The following STAG3 variants were observed in gnomAD, a reference collection of about 807,000 sequenced individuals.
STAG3 encodes cohesin subunit SA-3.
STAG3 carries 101 observed loss-of-function variants against 160.7 expected under a neutral mutation model. The ratio of observed to expected loss-of-function variants is 0.63; its 90% CI spans 0.54 to 0.74. The LOEUF (loss-of-function observed/expected upper bound fraction) is 0.74. Ranked by LOEUF, STAG3 falls within the 30% of genes least tolerant of loss-of-function variation. The pLI is 0.00. For synonymous variants in STAG3, 519 were observed against 585.0 expected, an observed-to-expected ratio of 0.89 and a Z score of 1.63; for missense variants, 1,188 against 1,517.4, an observed-to-expected ratio of 0.78 and a Z score of 3.61.
rs956546657 is a variant in STAG3, at chr7:100,199,204, A to G, written c.1468-58A>G. The G allele has an allele frequency of 2.5e-6, 3 of 1,182,716 alleles. No homozygotes were observed. The Admixed American group carries it at 5.1e-5, about 20-fold the overall frequency. 73.3% of individuals were successfully genotyped at this position (1,182,716 alleles called of 1,614,324 possible). On this transcript the variant is annotated intron_variant, in intron 14 of 33. Coordinates refer to ENST00000615138, the MANE Select transcript of STAG3 (RefSeq NM_001282717.2). Reference sequence around the variant, plus strand: ...GGAGAGCGATATTTAATCAGTAACCACTTCGTAGGGTATTTTTAACATGCT... The same window carrying G: ...GGAGAGCGATATTTAATCAGTAACCGCTTCGTAGGGTATTTTTAACATGCT...
chr7:100,189,975 G>T (rs1379845714), intron 8 of STAG3, among the ~76,000 whole-genome samples: 3 of 152,104 alleles, frequency 2.0e-5, no homozygotes, highest in African/African-American at 7.2e-5. Flanking sequence ...ATTGACAAGG[G>T]AGGCCAAATT....
rs143834021 is a variant in STAG3 at position 100,185,798 on chromosome 7, G to A, written c.337-402G>A. ...GTTTTCTTGCTGTCTCTATCTGCCC[G>A]GTAGGTTTAGTGTTCAATCTGACTT... On this transcript the variant is annotated intron_variant, in intron 4 of 33. Transcript: ENST00000615138. 1.8e-4 allele frequency among the ~76,000 whole-genome samples: 27 copies of A among 152,078 alleles called. No individual in the cohort carries two copies. The East Asian group carries it at 5.0e-3, about 28-fold the overall frequency.
In STAG3 at chr7:100,189,438, C is replaced by A. The variant is rs1299181092; in HGVS notation, c.716-7C>A. ...TGATTTCTTTATCTCTTTTTCCTTTCTCAAAGCTATGAAACTGATGACCTC... is the reference window on the plus strand; with the variant it reads ...TGATTTCTTTATCTCTTTTTCCTTTATCAAAGCTATGAAACTGATGACCTC... On this transcript the variant is annotated splice_polypyrimidine_tract_variant and splice_region_variant and intron_variant, in intron 7 of 33. Coordinates refer to ENST00000615138, the MANE Select transcript of STAG3 (RefSeq NM_001282717.2). 8.1e-6 allele frequency: 13 copies of A among 1,606,346 alleles called. No homozygotes were observed. Among genetic ancestry groups the A allele is most frequent in the African/African-American group, 1.3e-5 (1 of 74,220 alleles).
In STAG3 at chr7:100,211,861, G is replaced by T. The variant is rs756869589; in HGVS notation, c.3585G>T (p.Arg1195=). The change falls in exon 32 of 34, where the codon CGG becomes CGT. Residue 1195 remains arginine (R), a synonymous_variant. Coordinates refer to ENST00000615138, the MANE Select transcript of STAG3 (RefSeq NM_001282717.2). Reference sequence around the variant, plus strand: ...TCCAGGATGAGTCAAATGAAGAACGGCAGGATACAGACATGGTGAGTAGAC... The same window carrying T: ...TCCAGGATGAGTCAAATGAAGAACGTCAGGATACAGACATGGTGAGTAGAC... ...LEIQDESNEE[R]QDTDMQASSY... 10 of 1,613,908 alleles carry T rather than the reference G, an allele frequency of 6.2e-6. No homozygotes were observed. The highest frequency in any genetic ancestry group is 1.6e-4 in the Middle Eastern group (1 of 6,080).
rs1348720684 is a variant in STAG3, at chr7:100,200,334, G to A, written c.1770+6G>A. ...TGCCCCAGCTCCTGGCCAAGGTACC[G>A]CTGCCCCTCCACTCTGCATCACACC... On this transcript the variant is annotated splice_donor_region_variant and intron_variant, in intron 17 of 33. Coordinates refer to ENST00000615138, the MANE Select transcript of STAG3 (RefSeq NM_001282717.2). The A allele has an allele frequency of 3.1e-6, 5 of 1,613,664 alleles. No homozygotes were observed. Among genetic ancestry groups the A allele is most frequent in the Middle Eastern group, 1.7e-4 (1 of 6,050 alleles).
In STAG3 at chr7:100,197,847, C is replaced by T. The variant is rs771473486; in HGVS notation, c.1135C>T (p.Arg379Cys). Reference protein sequence around the residue: ...GLYGNRDLTTRLELFTSRFKD... With the variant: ...GLYGNRDLTTCLELFTSRFKD... Reference sequence around the variant, plus strand: ...GTACGGTAACCGGGACCTGACCACACGCCTGGAGCTCTTCACCAGCCGCTT... The same window carrying T: ...GTACGGTAACCGGGACCTGACCACATGCCTGGAGCTCTTCACCAGCCGCTT... Residue 379 changes from arginine to cysteine, a missense_variant, in exon 11 of 34, where the codon CGC (arginine) becomes TGC (cysteine). Around this residue, in one of 4 missense-constraint regions of STAG3, gnomAD observed 240 missense variants for 358.1 expected, o/e 0.67. Transcript: ENST00000615138. 12 of 1,613,948 alleles carry T rather than the reference C, an allele frequency of 7.4e-6. No individual in the cohort carries two copies. The highest frequency in any genetic ancestry group is 3.3e-5 in the South Asian group (3 of 91,076).
chr7:100,213,991 A>C lies in STAG3; in HGVS notation c.3673-16A>C. The C allele has an allele frequency of 6.2e-7, 1 of 1,613,906 alleles. No homozygotes were observed. The highest frequency in any genetic ancestry group is 1.3e-5 in the African/African-American group (1 of 74,942). ...TTGCTGTGTCCTGTGTATTCCTTTC[A>C]TCTTTCTCATTATAGGATTTCTGAC... is the stretch of plus-strand genomic sequence containing the variant. On this transcript the variant is annotated splice_polypyrimidine_tract_variant and intron_variant, in intron 33 of 33. Transcript: ENST00000615138.
rs1016624629 is a variant in STAG3 at position 100,184,364 on chromosome 7, T to C, written c.336+1525T>C. On this transcript the variant is annotated intron_variant, in intron 4 of 33. Transcript: ENST00000615138. ...TCTTTTCTGTTTCTTTTTCCACCTT[T>C]GCTTGCCTTCCTTTGGATTTCTTAT... Among the ~76,000 whole-genome samples, 13 of 152,254 alleles carry C rather than the reference T, an allele frequency of 8.5e-5. No homozygotes were observed. The East Asian group carries it at 2.5e-3, about 29-fold the overall frequency.
intron 29 of STAG3, among the ~76,000 whole-genome samples, chr7:100,209,608 G>T (rs1036820134): frequency 6.6e-6 from 1 of 152,200 alleles, no homozygotes; most frequent in African/African-American, 2.4e-5. Context: ...GACAGGAGAT[G>T]GGGGAAGGCT....
At position 100,202,044 on chromosome 7, in the gene STAG3, G is replaced by A. The variant is rs369006826; in HGVS notation, c.2394+3G>A. On this transcript the variant is annotated splice_donor_region_variant and intron_variant, in intron 23 of 33. Transcript: ENST00000615138. The stretch of plus-strand genomic sequence containing the variant: ...TGGATACTGAGATCCAGGAGCAGGT[G>A]AGTACTGACTCAAGTGGGAGCAACA... 13 of 1,614,046 alleles carry A rather than the reference G, an allele frequency of 8.1e-6. No homozygotes were observed. In the African/African-American group the frequency reaches 1.7e-4, roughly 22 times the overall value.
intron 8 of STAG3, among the ~76,000 whole-genome samples, chr7:100,191,503 T>C (rs1800341671): frequency 6.6e-6 from 1 of 152,232 alleles, no homozygotes; most frequent in Non-Finnish European, 1.5e-5. Flanking sequence ...TCAGTGCATA[T>C]GAAAGTTGTG....
In STAG3 at chr7:100,199,536, T is replaced by A; in HGVS notation, c.1574-5T>A. On this transcript the variant is annotated splice_region_variant and splice_polypyrimidine_tract_variant and intron_variant, in intron 15 of 33. Transcript: ENST00000615138. ...TCTATGTTTTTGATCCTCCTGGCAC[T>A]CCAGACCTGGGTGATGTGCAGGAGA... 1 of 1,599,418 alleles carries A rather than the reference T, an allele frequency of 6.3e-7. No homozygotes were observed. Among genetic ancestry groups the A allele is most frequent in the Non-Finnish European group, 8.5e-7 (1 of 1,172,770 alleles).
intron 8 of STAG3, among the ~76,000 whole-genome samples, chr7:100,193,939 C>CTTTTTTTTTTT (rs57044186): frequency 5.7e-5 from 7 of 121,982 alleles, no homozygotes; most frequent in Admixed American, 1.9e-4. Context: ...TTAATCATTT[C>CTTTTTTTTTTT]TTTTTTTTTT....
At chr7:100,195,428 T>C (rs1389834440) in intron 9 of STAG3, 46 bp downstream of exon 9, 7 of 1,573,406 alleles carry the variant, frequency 4.4e-6, no homozygotes, top group Non-Finnish European at 6.1e-6. Flanking sequence ...CCTTTGGTTA[T>C]GGAATCTGAG....
At chr7:100,200,569 G>C (rs1409046837) in intron 18 of STAG3, 27 bp downstream of exon 18, 1 of 1,610,834 alleles carries the variant, frequency 6.2e-7, no homozygotes, top group South Asian at 1.1e-5. Flanking sequence ...CCTATACCTT[G>C]CTGCTTGCCT....
chr7:100,196,772 CA>C (rs1800719268), intron 9 of STAG3, among the ~76,000 whole-genome samples: 1 of 151,970 alleles, frequency 6.6e-6, no homozygotes, highest in Admixed American at 6.5e-5. Flanking sequence ...GCCTGGGCAA[CA>C]GGTGGAGTGG....
chr7:100,191,204 C>A (rs745390835), intron 8 of STAG3, among the ~76,000 whole-genome samples: 9 of 152,030 alleles, frequency 5.9e-5, no homozygotes, highest in Non-Finnish European at 1.3e-4. Context: ...GTACCCTGCT[C>A]CCCCAGCAAG....
At chr7:100,216,416 A>G (rs1309272251), downstream of STAG3, among the ~76,000 whole-genome samples, 2 of 152,220 alleles carry the variant, frequency 1.3e-5, no homozygotes, top group Non-Finnish European at 2.9e-5. Context: ...TAACACTGCA[A>G]AATGCCTTTT....
chr7:100,214,961 G>A (rs1351443363), downstream of STAG3: 2 of 151,982 alleles, frequency 1.3e-5, no homozygotes, highest in Middle Eastern at 3.4e-3. Flanking sequence ...TGTCACCATC[G>A]TCTCTCACCT....
Sources: allele counts gnomAD v4.1 joint callset (sites outside exome capture counted in the v4.1 genomes callset), GRCh38; gene constraint gnomAD v4.1.1; regional missense constraint gnomAD v4.1.1; transcripts MANE v1.5; gene names NCBI Gene and HGNC (gene_info 2026-07-23, HGNC 2026-07-21).